C1QTNF3: variants seen among roughly 807,000 people sequenced by gnomAD.
C1QTNF3 encodes the protein complement C1q tumor necrosis factor-related protein 3.
In C1QTNF3, 26 loss-of-function variants were observed where a neutral mutation model predicts 32.6. The ratio of observed to expected loss-of-function variants is 0.80; its 90% CI spans 0.58 to 1.11. The LOEUF (loss-of-function observed/expected upper bound fraction) is 1.11. Ranked by LOEUF, C1QTNF3 falls within the 50% of genes least tolerant of loss-of-function variation. The pLI is 0.00. For synonymous variants in C1QTNF3, 155 were observed against 146.0 expected, an observed-to-expected ratio of 1.06 and a Z score of -0.44; for missense variants, 362 against 398.2, an observed-to-expected ratio of 0.91 and a Z score of 0.77.
the C1QTNF3 span, among the ~76,000 whole-genome samples, chr5:34,237,005 G>T: frequency 2.6e-5 from 4 of 152,058 alleles, no homozygotes; most frequent in Non-Finnish European, 4.4e-5. Context: ...TAAATTACTA[G>T]ATATAGTATC....
chr5:34,030,631 G>A (rs1430905923), intron 3 of C1QTNF3, among the ~76,000 whole-genome samples: 1 of 152,144 alleles, frequency 6.6e-6, no homozygotes, highest in Admixed American at 6.5e-5. Flanking sequence ...AATTCCGCCT[G>A]TCAAGAAAAC....
At chr5:34,225,544 T>C in the C1QTNF3 span, among the ~76,000 whole-genome samples, 1 of 152,052 alleles carries the variant, frequency 6.6e-6, no homozygotes, top group African/African-American at 2.4e-5. Flanking sequence ...ATCTAATCTA[T>C]TGTTCAGCAT....
chr5:34,198,209 T>C, the C1QTNF3 span, among the ~76,000 whole-genome samples: 1 of 143,956 alleles, frequency 6.9e-6, no homozygotes, highest in East Asian at 2.0e-4. Flanking sequence ...ACCACTGCAC[T>C]CCAGCCTGGG....
the C1QTNF3 span, among the ~76,000 whole-genome samples, chr5:34,092,064 T>G: frequency 6.6e-6 from 1 of 151,172 alleles, no homozygotes; most frequent in Non-Finnish European, 1.5e-5. Flanking sequence ...ACAAATTATT[T>G]ATAGTCCCAT....
the C1QTNF3 span, among the ~76,000 whole-genome samples, chr5:34,085,354 A>C: frequency 1.3e-5 from 2 of 150,684 alleles, no homozygotes; most frequent in African/African-American, 5.0e-5. Context: ...GAAGGAGTCC[A>C]GTTTCAGTTT....
the C1QTNF3 span, among the ~76,000 whole-genome samples, chr5:34,068,582 T>G: frequency 1.3e-5 from 2 of 151,912 alleles, no homozygotes; most frequent in Admixed American, 6.6e-5. Flanking sequence ...AACATAATAT[T>G]TGTATCTTTG....
chr5:34,021,918 A>G (rs1157593493), intron 5 of C1QTNF3, among the ~76,000 whole-genome samples: 6 of 152,226 alleles, frequency 3.9e-5, no homozygotes, highest in African/African-American at 1.4e-4. Context: ...GTATCCTGGA[A>G]CTTAAAGTAA....
chr5:34,115,730 CAAA>C, the C1QTNF3 span, among the ~76,000 whole-genome samples: 5 of 85,014 alleles, frequency 5.9e-5, no homozygotes, highest in Non-Finnish European at 1.0e-4. Context: ...GACTCTGTGT[CAAA>C]AAAAAAAAAA....
chr5:34,052,749 T>C, the C1QTNF3 span, among the ~76,000 whole-genome samples: 1 of 152,218 alleles, frequency 6.6e-6, no homozygotes, highest in Non-Finnish European at 1.5e-5. Flanking sequence ...GCTCAGGGAT[T>C]GGAGAAGGGG....
At chr5:34,063,028 G>A in the C1QTNF3 span, among the ~76,000 whole-genome samples, 14 of 152,202 alleles carry the variant, frequency 9.2e-5, no homozygotes, top group African/African-American at 2.9e-4. Context: ...TTTTTGCTAG[G>A]AAGGCTACGG....
At chr5:34,220,385 A>G in the C1QTNF3 span, among the ~76,000 whole-genome samples, 2 of 151,992 alleles carry the variant, frequency 1.3e-5, no homozygotes, top group African/African-American at 4.8e-5. Context: ...TGAGCTTTCT[A>G]TGTCAATGAT....
chr5:34,100,196 G>A, the C1QTNF3 span, among the ~76,000 whole-genome samples: 1 of 152,100 alleles, frequency 6.6e-6, no homozygotes, highest in African/African-American at 2.4e-5. Context: ...ATCTTCATGT[G>A]GTAGAAGAGA....
At chr5:34,195,823 G>A in the C1QTNF3 span, among the ~76,000 whole-genome samples, 1 of 151,036 alleles carries the variant, frequency 6.6e-6, no homozygotes, top group African/African-American at 2.4e-5. Context: ...CTGGGTGACA[G>A]AGCGAGACTC....
chr5:34,037,472 A>C (rs183072897), intron 1 of C1QTNF3, among the ~76,000 whole-genome samples: 326 of 152,352 alleles, frequency 2.1e-3, no homozygotes, highest in Non-Finnish European at 3.9e-3. Context: ...CTTTAATAAA[A>C]AATGGGCTTG....
the C1QTNF3 span, among the ~76,000 whole-genome samples, chr5:34,089,692 A>G: frequency 6.6e-6 from 1 of 152,256 alleles, no homozygotes; most frequent in Non-Finnish European, 1.5e-5. Context: ...AAATAATATG[A>G]TGAAAGCAGT....
At chr5:34,147,783 C>A in the C1QTNF3 span, among the ~76,000 whole-genome samples, 2 of 152,196 alleles carry the variant, frequency 1.3e-5, no homozygotes, top group African/African-American at 4.8e-5. Context: ...ATTCGTGTAA[C>A]AGACTTGTAT....
the C1QTNF3 span, among the ~76,000 whole-genome samples, chr5:34,208,406 T>C: frequency 6.6e-6 from 1 of 152,166 alleles, no homozygotes; most frequent in Non-Finnish European, 1.5e-5. Context: ...AAAGTCATTG[T>C]GGGGAACTAT....
At chr5:34,068,097 C>T in the C1QTNF3 span, among the ~76,000 whole-genome samples, 1 of 152,038 alleles carries the variant, frequency 6.6e-6, no homozygotes, top group East Asian at 1.9e-4. Flanking sequence ...TTCTGACAAA[C>T]ATATGCAGAA....
the C1QTNF3 span, chr5:34,191,761 G>A: frequency 6.3e-4 from 448 of 708,182 alleles, no homozygotes; most frequent in African/African-American, 7.2e-3. Flanking sequence ...ATCTGCTGCA[G>A]AGCTCCCCTC....
Sources: allele counts gnomAD v4.1 joint callset (sites outside exome capture counted in the v4.1 genomes callset), GRCh38; gene constraint gnomAD v4.1.1; transcripts MANE v1.5; gene names NCBI Gene and HGNC (gene_info 2026-07-23, HGNC 2026-07-21).